Variants in ERBB4 observed in about 807,000 individuals in gnomAD.
ERBB4 encodes the protein erb-b2 receptor tyrosine kinase 4.
A neutral mutation model predicts 158.0 loss-of-function variants in ERBB4; 42 were observed. That is an observed-to-expected ratio of 0.27 (90% CI 0.21 to 0.34). The LOEUF is 0.34. Among genes scored for constraint, ERBB4 ranks in the 10% least tolerant of loss-of-function variants. ERBB4 has a pLI of 1.00. For missense variants in ERBB4, 1,333 were observed against 1,624.1 expected, an observed-to-expected ratio of 0.82 and a Z score of 3.08; for synonymous variants, 583 against 558.7, an observed-to-expected ratio of 1.04 and a Z score of -0.61.
chr2:211,736,171 G>GA lies in ERBB4; in HGVS notation c.623-10978dup, dbSNP rs35835703. 2.9e-3 allele frequency among the ~76,000 whole-genome samples: 403 copies of GA among 137,608 alleles called. 2 individuals carry two copies. Among genetic ancestry groups the GA allele is most frequent in the African/African-American group, 6.4e-3 (243 of 37,924 alleles). The allele number at this position is 137,608 out of a possible 152,430, so 90.3% of individuals were successfully genotyped here. On this transcript the variant is annotated intron_variant, in intron 5 of 27. Transcript: ENST00000342788. ...CAGCAAGACTCTGTCTCAAAAAAAG[G>GA]AAAAAAAAAAAAAGATAATCATGTC...
At chr2:211,494,409 C>T (rs952782802) in intron 20 of ERBB4, among the ~76,000 whole-genome samples, 1 of 152,000 alleles carries the variant, frequency 6.6e-6, no homozygotes, top group Non-Finnish European at 1.5e-5. Context: ...AAAAAAATGC[C>T]ACAGCAGTAA....
chr2:212,321,998 G>A (rs955098806), intron 1 of ERBB4, among the ~76,000 whole-genome samples: 2 of 150,314 alleles, frequency 1.3e-5, no homozygotes, highest in African/African-American at 4.9e-5. Flanking sequence ...ATACGATTTT[G>A]TTGGTACAAT....
intron 19 of ERBB4, among the ~76,000 whole-genome samples, chr2:211,587,724 C>T (rs906249509): frequency 5.3e-5 from 8 of 151,948 alleles, no homozygotes; most frequent in Admixed American, 1.3e-4. Flanking sequence ...GACCTATCCT[C>T]GATAGGCCAC....
In ERBB4 at chr2:211,630,990, T is replaced by C. The variant is rs549705957; in HGVS notation, c.1947-396A>G. ...ATTGTAAGAATATTGTTGTGGTTTG[T>C]AATTTTATTTCCAGTAATTTCTCTG... On this transcript the variant is annotated intron_variant, in intron 16 of 27. Coordinates refer to ENST00000342788, the MANE Select transcript of ERBB4 (RefSeq NM_005235.3). 3.2e-4 allele frequency among the ~76,000 whole-genome samples: 48 copies of C among 152,330 alleles called. No homozygotes were observed. The Middle Eastern group carries it at 0.01, about 32-fold the overall frequency.
intron 1 of ERBB4, among the ~76,000 whole-genome samples, chr2:212,344,766 T>C (rs1461739009): frequency 6.6e-6 from 1 of 152,110 alleles, no homozygotes; most frequent in Non-Finnish European, 1.5e-5. Flanking sequence ...GACAGAACAG[T>C]AGAGTGTCTA....
chr2:212,522,272 G>C (rs1367429829), intron 1 of ERBB4, among the ~76,000 whole-genome samples: 3 of 151,950 alleles, frequency 2.0e-5, no homozygotes, highest in Non-Finnish European at 4.4e-5. Context: ...GGTCAGGTGA[G>C]ATATTGTATA....
intron 2 of ERBB4, among the ~76,000 whole-genome samples, chr2:211,978,872 TA>T (rs919639311): frequency 3.1e-4 from 47 of 152,324 alleles, no homozygotes; most frequent in African/African-American, 1.1e-3. Flanking sequence ...TACAACATTT[TA>T]GACATCAATC....
At chr2:211,409,268 C>T (rs2063207865) in intron 25 of ERBB4, among the ~76,000 whole-genome samples, 1 of 152,064 alleles carries the variant, frequency 6.6e-6, no homozygotes, top group South Asian at 2.1e-4. Flanking sequence ...AATACTTTGC[C>T]TCTCTGCTTC....
chr2:211,924,516 T>A (rs1359349264), intron 3 of ERBB4, among the ~76,000 whole-genome samples: 1 of 152,110 alleles, frequency 6.6e-6, no homozygotes, highest in African/African-American at 2.4e-5. Flanking sequence ...ATTTGAATAA[T>A]CTGTATAATA....
At chr2:212,399,545 CATATATATATATATATATAT>C (rs869111881) in intron 1 of ERBB4, among the ~76,000 whole-genome samples, 1 of 38,098 alleles carries the variant, frequency 2.6e-5, no homozygotes, top group South Asian at 9.8e-4. Context: ...TTTATATATA[CATATATATATATATATATAT>C]ATATATATAT....
intron 3 of ERBB4, among the ~76,000 whole-genome samples, chr2:211,823,498 A>C (rs967918946): frequency 1.5e-4 from 23 of 151,866 alleles, no homozygotes; most frequent in African/African-American, 5.3e-4. Context: ...ATTTTGCTTT[A>C]GGTTATTTTT....
intron 1 of ERBB4, among the ~76,000 whole-genome samples, chr2:212,452,392 CA>C (rs35477461): frequency 0.4 from 60,329 of 151,938 alleles, 12,647 homozygotes; most frequent in Non-Finnish European, 0.46. Flanking sequence ...GGTCAGTTTA[CA>C]AATTACAAAT....
intron 8 of ERBB4, 69 bp from the exon 9 acceptor site, chr2:211,712,245 C>T: frequency 6.9e-7 from 1 of 1,451,832 alleles, no homozygotes; most frequent in Non-Finnish European, 9.7e-7. Flanking sequence ...ATTGCATCTT[C>T]ATTATAAAAT....
At chr2:211,991,807 T>G (rs2082080515) in intron 2 of ERBB4, among the ~76,000 whole-genome samples, 1 of 152,152 alleles carries the variant, frequency 6.6e-6, no homozygotes, top group South Asian at 2.1e-4. Context: ...TTTTCACATG[T>G]GCCTGGCGTC....
At chr2:212,019,845 G>A (rs1229936488) in intron 2 of ERBB4, among the ~76,000 whole-genome samples, 2 of 151,266 alleles carry the variant, frequency 1.3e-5, no homozygotes, top group Non-Finnish European at 2.9e-5. Flanking sequence ...GGGATAAGAT[G>A]GGGTCAAGGA....
At chr2:212,463,247 G>A (rs967797882) in intron 1 of ERBB4, among the ~76,000 whole-genome samples, 2 of 151,914 alleles carry the variant, frequency 1.3e-5, no homozygotes, top group Non-Finnish European at 2.9e-5. Flanking sequence ...CTAAATGAGA[G>A]GATTTTGAAT....
At chr2:211,801,896 A>C (rs1402887888) in intron 3 of ERBB4, among the ~76,000 whole-genome samples, 1 of 152,206 alleles carries the variant, frequency 6.6e-6, no homozygotes, top group African/African-American at 2.4e-5. Context: ...CTCTGGTGAT[A>C]ATCTCTAGTT....
At chr2:211,708,235 T>C (rs915149098) in intron 9 of ERBB4, among the ~76,000 whole-genome samples, 5 of 152,198 alleles carry the variant, frequency 3.3e-5, no homozygotes, top group African/African-American at 1.2e-4. Context: ...TCAGAATATA[T>C]GTTTCATGCT....
chr2:211,678,872 C>T (rs964665826), intron 13 of ERBB4, among the ~76,000 whole-genome samples, 180 bp downstream of exon 13: 2 of 142,110 alleles, frequency 1.4e-5, no homozygotes, highest in Non-Finnish European at 3.0e-5. Context: ...GAGGCCAAGG[C>T]AGGAGAATGG....
Sources: allele counts gnomAD v4.1 joint callset (sites outside exome capture counted in the v4.1 genomes callset), GRCh38; gene constraint gnomAD v4.1.1; transcripts MANE v1.5; gene names NCBI Gene and HGNC (gene_info 2026-07-23, HGNC 2026-07-21).